CBFA2T3: variants seen among roughly 807,000 people sequenced by gnomAD.
CBFA2T3 encodes the protein CBFA2/RUNX1 partner transcriptional co-repressor 3.
Under a neutral mutation model 58.6 loss-of-function variants are expected in CBFA2T3, and 31 were observed. That is an observed-to-expected ratio of 0.53 (90% CI 0.40 to 0.71). The LOEUF (loss-of-function observed/expected upper bound fraction) is 0.71, where lower values mean the gene tolerates loss of function less well. Among genes scored for constraint, CBFA2T3 ranks in the 30% least tolerant of loss-of-function variants. The pLI, the probability that CBFA2T3 is intolerant of heterozygous loss-of-function variation, is 0.00. For synonymous variants in CBFA2T3, 531 were observed against 421.9 expected, an observed-to-expected ratio of 1.26 and a Z score of -3.17; for missense variants, 1,076 against 963.1, an observed-to-expected ratio of 1.12 and a Z score of -1.55.
intron 1 of CBFA2T3, among the ~76,000 whole-genome samples, chr16:88,906,167 C>T (rs940700066): frequency 1.3e-5 from 2 of 152,144 alleles, no homozygotes; most frequent in Non-Finnish European, 1.5e-5. Context: ...GAGCTCCCAC[C>T]GGCCCACAGC....
chr16:88,884,963 T>C (rs1969297582), intron 7 of CBFA2T3, 83 bp downstream of exon 7: 1 of 1,048,564 alleles, frequency 9.5e-7, no homozygotes, highest in East Asian at 2.7e-5. Flanking sequence ...TGGTGCCCTG[T>C]GCCCACATGC....
chr16:88,940,316 G>A (rs1971673165), intron 1 of CBFA2T3: 2 of 154,260 alleles, frequency 1.3e-5, no homozygotes, highest in South Asian at 1.9e-4. Flanking sequence ...CACCAGCCTG[G>A]CCGCCTTCTG....
chr16:88,921,960 C>T (rs1165624098), intron 1 of CBFA2T3, among the ~76,000 whole-genome samples: 2 of 152,248 alleles, frequency 1.3e-5, no homozygotes, highest in Non-Finnish European at 1.5e-5. Flanking sequence ...CCAGTTCACA[C>T]GTGTCAAAGC....
chr16:88,955,841 T>TCACCCAAGGCTCCTGACCC (rs1972204445), intron 1 of CBFA2T3, among the ~76,000 whole-genome samples: 3 of 46,172 alleles, frequency 6.5e-5, no homozygotes, highest in South Asian at 8.5e-4. Context: ...GCTCCTGACC[T>TCACCCAAGGCTCCTGACCC]CACCCAAGGC....
chr16:88,889,060 G>A (rs1366013747), intron 5 of CBFA2T3, among the ~76,000 whole-genome samples: 2 of 151,950 alleles, frequency 1.3e-5, no homozygotes, highest in African/African-American at 4.8e-5. Context: ...AGTTAAGCAA[G>A]GGTGGCTGAG....
chr16:88,931,941 T>G (rs1971321602), intron 1 of CBFA2T3, among the ~76,000 whole-genome samples: 1 of 152,252 alleles, frequency 6.6e-6, no homozygotes, highest in East Asian at 1.9e-4. Context: ...TGAGGCTGGC[T>G]GTGGGGATCC....
chr16:88,910,612 G>C (rs73254254), intron 1 of CBFA2T3, among the ~76,000 whole-genome samples: 1 of 152,200 alleles, frequency 6.6e-6, no homozygotes, highest in African/African-American at 2.4e-5. Context: ...GGTGAGCTGC[G>C]GATGGCGTGA....
At position 88,882,842 on chromosome 16, in the gene CBFA2T3, C is replaced by T. The variant is rs576104921; in HGVS notation, c.1118-81G>A. 39 of 954,038 alleles carry T rather than the reference C, an allele frequency of 4.1e-5. No homozygotes were observed. The African/African-American group carries it at 4.5e-4, about 11-fold the overall frequency. 59.1% of individuals were successfully genotyped at this position (954,038 alleles called of 1,614,324 possible). On this transcript the variant is annotated intron_variant, in intron 7 of 11. Transcript: ENST00000268679. ...TTCTCCCAGACCCCGCCCTCTGCTC[C>T]CAGGCCCCACCCGTGGGCTGTGCCC... is the stretch of plus-strand genomic sequence containing the variant.
At chr16:88,969,844 T>G (rs1322206661) in intron 1 of CBFA2T3, among the ~76,000 whole-genome samples, 1 of 151,962 alleles carries the variant, frequency 6.6e-6, no homozygotes, top group African/African-American at 2.4e-5. Flanking sequence ...GGGTTGCGAT[T>G]TGGCAGAGCC....
At chr16:88,909,959 A>G (rs944658588) in intron 1 of CBFA2T3, among the ~76,000 whole-genome samples, 1 of 152,200 alleles carries the variant, frequency 6.6e-6, no homozygotes, top group Non-Finnish European at 1.5e-5. Context: ...GCCACCCTCC[A>G]ACACATTTCC....
chr16:88,975,980 G>A (rs1972849735), intron 1 of CBFA2T3, among the ~76,000 whole-genome samples: 1 of 152,224 alleles, frequency 6.6e-6, no homozygotes, highest in South Asian at 2.1e-4. Flanking sequence ...GGGAATCGGG[G>A]CCACCAGCCT....
In CBFA2T3 at chr16:88,879,431, C is replaced by T; in HGVS notation, c.1501G>A (p.Ala501Thr). ...EEAVNEVKRQ[A>T]MSELQKAVSD... Reference sequence around the variant, plus strand: ...ACGGCTTTCTGCAGCTCCGACATGGCCTGCCGCTTCACCTCATTCACGGCC... The same window carrying T: ...ACGGCTTTCTGCAGCTCCGACATGGTCTGCCGCTTCACCTCATTCACGGCC... Residue 501 changes from alanine to threonine, a missense_variant, in exon 11 of 12, where the codon GCC becomes ACC. By Grantham distance (58) the Ala-to-Thr change is moderately conservative (BLOSUM62 0). Coordinates refer to ENST00000268679, the MANE Select transcript of CBFA2T3 (RefSeq NM_005187.6). 1 of 1,612,802 alleles carries T rather than the reference C, an allele frequency of 6.2e-7. No homozygotes were observed. Among genetic ancestry groups the T allele is most frequent in the Non-Finnish European group, 8.5e-7 (1 of 1,179,456 alleles).
rs1242037820 is a variant in CBFA2T3, at chr16:88,901,675, GAA to G, written c.152-21_152-20del. On this transcript the variant is annotated intron_variant, in intron 1 of 11. Transcript: ENST00000268679. Reference sequence around the variant, plus strand: ...ACTGGGGCTGCGACCAACGGAGAAAGAAAGAGTCGGTGAAGCAGGCTAAGTGC... The same window carrying G: ...ACTGGGGCTGCGACCAACGGAGAAAGAGAGTCGGTGAAGCAGGCTAAGTGC... 2 of 1,518,846 alleles carry G rather than the reference GAA, an allele frequency of 1.3e-6. No homozygotes were observed. Among genetic ancestry groups the G allele is most frequent in the South Asian group, 1.3e-5 (1 of 76,272 alleles). The allele number at this position is 1,518,846 out of a possible 1,614,324, so 94.1% of individuals were successfully genotyped here. A position where few individuals can be genotyped will look rare whatever the true frequency, so the allele number is the denominator to read the frequency against.
At chr16:88,902,710 C>G (rs1970147676) in intron 1 of CBFA2T3, among the ~76,000 whole-genome samples, 1 of 152,236 alleles carries the variant, frequency 6.6e-6, no homozygotes, top group Non-Finnish European at 1.5e-5. Flanking sequence ...AAGGCAAGGT[C>G]AGCCAGTGCC....
At chr16:88,891,749 C>T (rs1969639492) in intron 5 of CBFA2T3, 133 bp downstream of exon 5, 1 of 659,992 alleles carries the variant, frequency 1.5e-6, no homozygotes, top group South Asian at 1.7e-5. Context: ...TGCCTCACAC[C>T]TCTTCATCCA....
At position 88,877,412 on chromosome 16, in the gene CBFA2T3, C is replaced by T. The variant is rs572545564; in HGVS notation, c.1663-137G>A. 1.8e-4 allele frequency: 126 copies of T among 699,220 alleles called. 1 individual carries two copies. The highest frequency in any genetic ancestry group is 4.0e-4 in the Middle Eastern group (1 of 2,522). 43.3% of individuals were successfully genotyped at this position (699,220 alleles called of 1,614,324 possible). ...AGAAACTCCAAAGCCCCACAGCCCTCGGGCCATGCTCCAGATACAGCCACT... is the reference window on the plus strand; with the variant it reads ...AGAAACTCCAAAGCCCCACAGCCCTTGGGCCATGCTCCAGATACAGCCACT... On this transcript the variant is annotated intron_variant, in intron 11 of 11. Transcript: ENST00000268679.
At chr16:88,974,153 A>G (rs568099025) in intron 1 of CBFA2T3, among the ~76,000 whole-genome samples, 3 of 152,260 alleles carry the variant, frequency 2.0e-5, no homozygotes, top group African/African-American at 7.2e-5. Flanking sequence ...CCTGGTTCCC[A>G]TCCCTCTCTC....
chr16:88,922,981 G>A (rs1970969764), intron 1 of CBFA2T3, among the ~76,000 whole-genome samples: 1 of 151,554 alleles, frequency 6.6e-6, no homozygotes, highest in African/African-American at 2.4e-5. Context: ...ACAGCGGACG[G>A]ACAGAGCTGG....
At chr16:88,967,094 G>A (rs572165792) in intron 1 of CBFA2T3, among the ~76,000 whole-genome samples, 1 of 150,016 alleles carries the variant, frequency 6.7e-6, no homozygotes, top group African/African-American at 2.4e-5. Flanking sequence ...CAGTGCGCTG[G>A]TGTGTGCCAC....
Sources: allele counts gnomAD v4.1 joint callset (sites outside exome capture counted in the v4.1 genomes callset), GRCh38; gene constraint gnomAD v4.1.1; transcripts MANE v1.5; gene names NCBI Gene and HGNC (gene_info 2026-07-23, HGNC 2026-07-21).